Variants in ANKRD36C observed in about 807,000 individuals in gnomAD.
ANKRD36C encodes ankyrin repeat domain 36C, also known as ankyrin repeat domain-containing protein 36C.
ANKRD36C carries 61 observed loss-of-function variants against 276.4 expected under a neutral mutation model. The ratio of observed to expected loss-of-function variants is 0.22; its 90% CI spans 0.18 to 0.27. The LOEUF is 0.27. Ranked by LOEUF, ANKRD36C falls within the 10% of genes least tolerant of loss-of-function variation. The pLI is 1.00. For missense variants in ANKRD36C, 1,447 were observed against 2,032.3 expected, an observed-to-expected ratio of 0.71 and a Z score of 5.54; for synonymous variants, 483 against 680.1, an observed-to-expected ratio of 0.71 and a Z score of 4.51.
chr2:95,922,800 C>A (rs918511946), intron 32 of ANKRD36C, among the ~76,000 whole-genome samples: 3 of 151,586 alleles, frequency 2.0e-5, no homozygotes, highest in African/African-American at 7.3e-5. Context: ...CAAAAATCAA[C>A]AAAAGATATA....
At chr2:95,986,041 A>G (rs1679020098) in intron 3 of ANKRD36C, among the ~76,000 whole-genome samples, 1 of 152,276 alleles carries the variant, frequency 6.6e-6, no homozygotes, top group Admixed American at 6.5e-5. Flanking sequence ...GTTTCCTCAG[A>G]GTCCTACCAA....
intron 49 of ANKRD36C, 34 bp from the exon 70 acceptor site, chr2:95,888,031 T>A: frequency 6.2e-7 from 1 of 1,605,228 alleles, no homozygotes. Context: ...AATGAATACA[T>A]AAACTATGTT....
chr2:95,866,296 C>T (rs1169777243), intron 60 of ANKRD36C, among the ~76,000 whole-genome samples: 9 of 152,216 alleles, frequency 5.9e-5, no homozygotes, highest in Non-Finnish European at 1.2e-4. Context: ...GATTTCATTA[C>T]GATTAAAATC....
chr2:95,858,769 T>C (rs1183695859), intron 61 of ANKRD36C, among the ~76,000 whole-genome samples: 1 of 152,188 alleles, frequency 6.6e-6, no homozygotes, highest in Non-Finnish European at 1.5e-5. Context: ...ATGTAATATG[T>C]TACCCTACAC....
intron 44 of ANKRD36C, chr2:95,893,559 T>C (rs1252072855): frequency 1.3e-6 from 2 of 1,555,532 alleles, no homozygotes; most frequent in African/African-American, 1.4e-5. Flanking sequence ...TCCATCCTTT[T>C]TTTCTCTGGC....
chr2:95,863,281 C>T (rs1675623152), intron 60 of ANKRD36C, among the ~76,000 whole-genome samples: 1 of 151,904 alleles, frequency 6.6e-6, no homozygotes, highest in South Asian at 2.1e-4. Context: ...TAGCAAATCT[C>T]AATCAAGAAG....
At position 95,919,843 on chromosome 2, in the gene ANKRD36C, T is replaced by C. The variant is rs1182812685; in HGVS notation, c.2245+1764A>G. Reference sequence around the variant, plus strand: ...TGAAAGAAAATAATAAATAAATAAATCAATGAAGTATGTGTCATAGACTAC... The same window carrying C: ...TGAAAGAAAATAATAAATAAATAAACCAATGAAGTATGTGTCATAGACTAC... On this transcript the variant is annotated intron_variant, in intron 34 of 66. Coordinates refer to ENST00000456556, the Ensembl canonical transcript of ANKRD36C. 6 of 1,525,072 alleles carry C rather than the reference T, an allele frequency of 3.9e-6. 1 individual carries two copies. Among genetic ancestry groups the C allele is most frequent in the African/African-American group, 1.4e-5 (1 of 69,762 alleles). 94.5% of individuals were successfully genotyped at this position (1,525,072 alleles called of 1,614,324 possible). A position where few individuals can be genotyped will look rare whatever the true frequency, so the allele number is the denominator to read the frequency against.
intron 59 of ANKRD36C, among the ~76,000 whole-genome samples, chr2:95,875,753 G>A (rs1675936211): frequency 6.6e-6 from 1 of 152,072 alleles, no homozygotes. Context: ...ATGATTGACA[G>A]TGTTATATAT....
chr2:95,887,743 C>T (rs993132764), intron 50 of ANKRD36C, among the ~76,000 whole-genome samples, 182 bp downstream of exon 70: 3 of 151,602 alleles, frequency 2.0e-5, no homozygotes, highest in Non-Finnish European at 3.0e-5. Context: ...AATCTTACTG[C>T]AAAGATCGTG....
intron 48 of ANKRD36C, among the ~76,000 whole-genome samples, chr2:95,888,954 G>A (rs1676268611): frequency 6.6e-6 from 1 of 151,534 alleles, no homozygotes; most frequent in Non-Finnish European, 1.5e-5. Context: ...CATATTTTTT[G>A]TTTCTAAAAA....
chr2:95,923,693 A>G lies in ANKRD36C; in HGVS notation c.2042-4T>C. ...GGTGGTTGTTTCTGAGAAGACACTG[A>G]AAAGCAAAAGGGATACATAATCACT... On this transcript the variant is annotated splice_polypyrimidine_tract_variant and splice_region_variant and intron_variant, in intron 30 of 66. Transcript: ENST00000456556. The G allele has an allele frequency of 6.2e-7, 1 of 1,610,308 alleles. No individual in the cohort carries two copies.
In ANKRD36C at chr2:95,948,299, AT is replaced by A. The variant is rs1044329119; in HGVS notation, c.1362+230del. ...TTCTGTCACTATGTATTTTCCAGCA[AT>A]TTTTTTTTCAGATCACACCTCTCAA... On this transcript the variant is annotated intron_variant, in intron 17 of 66. Coordinates refer to ENST00000456556, the Ensembl canonical transcript of ANKRD36C. Among the ~76,000 whole-genome samples the A allele has an allele frequency of 5.8e-4, 54 of 92,622 alleles. No individual in the cohort carries two copies. The South Asian group carries it at 0.017, about 29-fold the overall frequency. 60.8% of individuals were successfully genotyped at this position (92,622 alleles called of 152,430 possible).
intron 6 of ANKRD36C, among the ~76,000 whole-genome samples, chr2:95,969,361 T>C (rs1678654582): frequency 1.3e-5 from 2 of 152,178 alleles, no homozygotes; most frequent in African/African-American, 2.4e-5. Context: ...TAATATGACA[T>C]TGGTGGTTTT....
intron 17 of ANKRD36C, among the ~76,000 whole-genome samples, chr2:95,946,982 G>A (rs1158814999): frequency 6.6e-6 from 1 of 151,892 alleles, no homozygotes; most frequent in African/African-American, 2.4e-5. Flanking sequence ...GTATACATAT[G>A]TTACTAACCT....
At chr2:95,861,148 GT>G (rs1675569001) in intron 60 of ANKRD36C, among the ~76,000 whole-genome samples, 1 of 151,682 alleles carries the variant, frequency 6.6e-6, no homozygotes. Context: ...GTAAATCTCT[GT>G]ACTCCAAATA....
intron 17 of ANKRD36C, among the ~76,000 whole-genome samples, chr2:95,948,256 C>A (rs866260913): frequency 1.3e-5 from 2 of 149,870 alleles, no homozygotes; most frequent in African/African-American, 4.9e-5. Context: ...TGTGGGAAAG[C>A]GTTCCAGAAC....
intron 1 of ANKRD36C, among the ~76,000 whole-genome samples, chr2:95,990,191 C>T (rs1395799104): frequency 2.0e-5 from 3 of 152,192 alleles, no homozygotes; most frequent in Non-Finnish European, 4.4e-5. Flanking sequence ...CCATAACGAA[C>T]TTATTTCTGT....
intron 3 of ANKRD36C, 109 bp from the exon 4 acceptor site, chr2:95,982,471 G>A (rs1489657876): frequency 1.0e-4 from 93 of 933,362 alleles, no homozygotes; most frequent in African/African-American, 2.1e-4. Context: ...TTGAAAGGTC[G>A]TAAGAGGTAG....
exon 66 of ANKRD36C, chr2:95,851,787 C>G: frequency 6.5e-7 from 1 of 1,529,072 alleles, no homozygotes; most frequent in Admixed American, 2.0e-5. Flanking sequence ...CTACTTCAAG[C>G]CTAAAATGTG....
Sources: gnomAD v4.1 joint callset for allele counts (sites outside exome capture counted in the v4.1 genomes callset) on GRCh38, gnomAD v4.1.1 for gene constraint, MANE v1.5 for transcripts, NCBI Gene and HGNC (gene_info 2026-07-23, HGNC 2026-07-21) for gene names.